Variants in ZNF341 observed in about 807,000 individuals in gnomAD.
ZNF341 encodes zinc finger protein 341.
ZNF341 carries 52 observed loss-of-function variants against 87.7 expected under a neutral mutation model. The ratio of observed to expected loss-of-function variants is 0.59; its 90% confidence interval spans 0.47 to 0.75. The LOEUF is 0.75. Ranked by LOEUF, ZNF341 falls within the 30% of genes least tolerant of loss-of-function variation. ZNF341 has a pLI of 0.00. For synonymous variants in ZNF341, 459 were observed against 472.7 expected, an observed-to-expected ratio of 0.97 and a Z score of 0.38; for missense variants, 977 against 1,145.9, an observed-to-expected ratio of 0.85 and a Z score of 2.13.
chr20:33,775,835 G>C (rs1371292814), intron 10 of ZNF341, among the ~76,000 whole-genome samples: 2 of 151,932 alleles, frequency 1.3e-5, no homozygotes, highest in African/African-American at 4.8e-5. Context: ...GAGTAGCTGG[G>C]ACTACAGGTG....
chr20:33,737,123 G>A (rs2018705298), intron 1 of ZNF341, among the ~76,000 whole-genome samples: 1 of 152,184 alleles, frequency 6.6e-6, no homozygotes, highest in Non-Finnish European at 1.5e-5. Flanking sequence ...GTGTTTTGGT[G>A]GAACTGTAAC....
At chr20:33,771,927 A>T (rs927075813) in intron 10 of ZNF341, among the ~76,000 whole-genome samples, 2 of 140,426 alleles carry the variant, frequency 1.4e-5, no homozygotes, top group Admixed American at 7.5e-5. Context: ...AGATGGTAGG[A>T]TTGCTTGAGC....
chr20:33,756,406 G>A (rs983975442), intron 5 of ZNF341, among the ~76,000 whole-genome samples: 7 of 141,172 alleles, frequency 5.0e-5, no homozygotes, highest in South Asian at 2.3e-4. Flanking sequence ...TCACTCCATC[G>A]CCCAGGCTGG....
chr20:33,753,632 A>G (rs1377940234), intron 5 of ZNF341, among the ~76,000 whole-genome samples: 3 of 152,202 alleles, frequency 2.0e-5, no homozygotes, highest in Non-Finnish European at 2.9e-5. Context: ...GATGCAAGCC[A>G]TGAGAAGGTG....
chr20:33,790,353 G>T (rs1426523857), intron 14 of ZNF341, among the ~76,000 whole-genome samples: 5 of 152,114 alleles, frequency 3.3e-5, no homozygotes, highest in Non-Finnish European at 2.9e-5. Flanking sequence ...GATTACAGGT[G>T]TGAGCCACCG....
Position 33,791,721 on chromosome 20 carries a change from G to A in ZNF341, c.*204G>A. 3.4e-6 allele frequency: 2 copies of A among 583,662 alleles called. No homozygotes were observed. Among genetic ancestry groups the A allele is most frequent in the Non-Finnish European group, 2.9e-6 (1 of 346,716 alleles). 36.2% of individuals were successfully genotyped at this position (583,662 alleles called of 1,614,324 possible). ...CCGGAAAGCCCTGCAACATTCTAGGGTTGGGGGCAGGGCCATCCACGGTTT... is the reference window on the plus strand; with the variant it reads ...CCGGAAAGCCCTGCAACATTCTAGGATTGGGGGCAGGGCCATCCACGGTTT... On this transcript the variant is annotated 3_prime_UTR_variant, in exon 15 of 15. Coordinates refer to ENST00000375200, the MANE Select transcript of ZNF341 (RefSeq NM_001282933.2).
chr20:33,732,169 T>G lies in ZNF341; in HGVS notation c.31+117T>G, dbSNP rs2018579781. ...GCCGCGGGGCGGAGGGCGCCGGGGC[T>G]GGAACAGCCGCGGGGCGGGAGGGGC... On this transcript the variant is annotated intron_variant, in intron 1 of 14. Transcript: ENST00000375200. The surrounding 1 kb of genome is among the most constrained non-coding windows in gnomAD (Gnocchi z 4.5). 1 of 783,998 alleles carries G rather than the reference T, an allele frequency of 1.3e-6. No individual in the cohort carries two copies. The highest frequency in any genetic ancestry group is 1.5e-6 in the Non-Finnish European group (1 of 648,192). The allele number at this position is 783,998 out of a possible 1,614,324, so 48.6% of individuals were successfully genotyped here. A position where few individuals can be genotyped will look rare whatever the true frequency, so the allele number is the denominator to read the frequency against.
intron 3 of ZNF341, among the ~76,000 whole-genome samples, chr20:33,746,556 A>G (rs984484265): frequency 1.3e-5 from 2 of 151,990 alleles, no homozygotes; most frequent in African/African-American, 4.8e-5. Context: ...TGAGAATGAC[A>G]TGGGAGCCAT....
intron 10 of ZNF341, among the ~76,000 whole-genome samples, chr20:33,778,750 G>T (rs917065469): frequency 8.5e-5 from 13 of 152,214 alleles, no homozygotes; most frequent in African/African-American, 2.9e-4. Flanking sequence ...TTTGGTTTTT[G>T]CTTTGAATTG....
At chr20:33,754,890 C>G (rs996520957) in intron 5 of ZNF341, among the ~76,000 whole-genome samples, 6 of 152,180 alleles carry the variant, frequency 3.9e-5, no homozygotes, top group African/African-American at 1.4e-4. Flanking sequence ...GTGGCAGTCA[C>G]ATTAATTACT....
intron 8 of ZNF341, among the ~76,000 whole-genome samples, chr20:33,766,257 C>T (rs2019403528): frequency 6.6e-6 from 1 of 151,896 alleles, no homozygotes. Flanking sequence ...TGCAGGGGCA[C>T]AATCTCTGCT....
At chr20:33,786,513 A>G (rs1185315832) in intron 12 of ZNF341, among the ~76,000 whole-genome samples, 1 of 152,220 alleles carries the variant, frequency 6.6e-6, no homozygotes, top group Non-Finnish European at 1.5e-5. Flanking sequence ...ATGATGGTGC[A>G]AATGTACTTA....
chr20:33,778,278 G>A (rs2019667275), intron 10 of ZNF341, among the ~76,000 whole-genome samples: 2 of 151,678 alleles, frequency 1.3e-5, no homozygotes, highest in Admixed American at 1.3e-4. Context: ...CTGCCTGGAG[G>A]CATTTAGTAT....
chr20:33,765,581 T>C (rs2019387498), intron 8 of ZNF341, among the ~76,000 whole-genome samples: 1 of 152,078 alleles, frequency 6.6e-6, no homozygotes, highest in Non-Finnish European at 1.5e-5. Flanking sequence ...CGTCTCATTA[T>C]GTTGCTGAGG....
chr20:33,779,422 CTA>C (rs1417737332), intron 10 of ZNF341, among the ~76,000 whole-genome samples: 1 of 150,466 alleles, frequency 6.6e-6, no homozygotes, highest in Non-Finnish European at 1.5e-5. Context: ...CAGATACAAA[CTA>C]TGTCAGACTC....
chr20:33,788,794 C>T (rs747457148), intron 12 of ZNF341, 69 bp from the exon 13 acceptor site: 16 of 1,323,766 alleles, frequency 1.2e-5, no homozygotes, highest in Middle Eastern at 1.8e-4. Context: ...AGGGGCCCAG[C>T]GGGGACCCTT....
At chr20:33,762,319 CTT>C (rs879821260) in intron 8 of ZNF341, among the ~76,000 whole-genome samples, 5 of 144,066 alleles carry the variant, frequency 3.5e-5, no homozygotes, top group Admixed American at 1.4e-4. Context: ...ACCTCAGAAT[CTT>C]TTTTTTTTTT....
intron 3 of ZNF341, among the ~76,000 whole-genome samples, chr20:33,745,585 T>A (rs2018901878): frequency 6.6e-6 from 1 of 152,060 alleles, no homozygotes; most frequent in African/African-American, 2.4e-5. Flanking sequence ...GGTAAAAGGT[T>A]TTGTATGAAA....
chr20:33,779,214 G>T (rs1029881420), intron 10 of ZNF341, among the ~76,000 whole-genome samples: 1 of 152,082 alleles, frequency 6.6e-6, no homozygotes, highest in Non-Finnish European at 1.5e-5. Flanking sequence ...GCAGGAGCCA[G>T]ATAGAGAGAG....
Sources: gnomAD v4.1 joint callset for allele counts (sites outside exome capture counted in the v4.1 genomes callset) on GRCh38, gnomAD v4.1.1 for gene constraint, Gnocchi (gnomAD v3.1) non-coding constraint, MANE v1.5 for transcripts, NCBI Gene and HGNC (gene_info 2026-07-23, HGNC 2026-07-21) for gene names.